Variants in HCK observed in about 807,000 individuals in gnomAD.
HCK encodes HCK proto-oncogene, Src family tyrosine kinase.
HCK carries 40 observed loss-of-function variants against 70.4 expected under a neutral mutation model. That is an observed-to-expected ratio of 0.57 (90% CI 0.44 to 0.74). HCK has a LOEUF of 0.74. Among genes scored for constraint, HCK ranks in the 30% least tolerant of loss-of-function variants. The pLI is 0.00. For synonymous variants in HCK, 245 were observed against 263.2 expected, an observed-to-expected ratio of 0.93 and a Z score of 0.67; for missense variants, 568 against 697.2, an observed-to-expected ratio of 0.81 and a Z score of 2.09.
chr20:32,072,630 C>T (rs1369301511), intron 2 of HCK: 2 of 151,374 alleles, frequency 1.3e-5, no homozygotes, highest in Non-Finnish European at 2.9e-5. Flanking sequence ...TCACTTCCCC[C>T]TTGCATGGAC....
intron 8 of HCK, among the ~76,000 whole-genome samples, chr20:32,085,669 T>C (rs1315384964): frequency 4.6e-5 from 7 of 152,150 alleles, no homozygotes; most frequent in Non-Finnish European, 7.3e-5. Context: ...TGGAGCTTCC[T>C]GGAAGCCAAG....
chr20:32,074,221 C>T (rs1384865241), intron 4 of HCK, among the ~76,000 whole-genome samples: 4 of 152,142 alleles, frequency 2.6e-5, no homozygotes, highest in Admixed American at 1.3e-4. Context: ...TGCTGAAGCC[C>T]GAGAACGGGA....
intron 2 of HCK, 23 bp downstream of exon 2, chr20:32,071,805 T>C: frequency 6.2e-7 from 1 of 1,610,688 alleles, no homozygotes; most frequent in African/African-American, 1.3e-5. Flanking sequence ...GGTCCCAGTT[T>C]CCCTGGGGGC....
chr20:32,078,332 A>C (rs2045658640), intron 5 of HCK, among the ~76,000 whole-genome samples: 1 of 151,398 alleles, frequency 6.6e-6, no homozygotes, highest in Non-Finnish European at 1.5e-5. Context: ...GGTGTGAGCC[A>C]CCGCGCCCAG....
rs2045824354 is a variant in HCK, at chr20:32,088,708, T to C, written c.1092+64T>C. On this transcript the variant is annotated intron_variant, in intron 10 of 12. Transcript: ENST00000375852. ...ATTCGATTTTTTTACTTGCCAAATATTTACTGACCACATACTATGATGATA... is the reference window on the plus strand; with the variant it reads ...ATTCGATTTTTTTACTTGCCAAATACTTACTGACCACATACTATGATGATA... 2.6e-6 allele frequency: 3 copies of C among 1,172,084 alleles called. No individual in the cohort carries two copies. In the African/African-American group the frequency reaches 4.5e-5, roughly 18 times the overall value. 72.6% of individuals were successfully genotyped at this position (1,172,084 alleles called of 1,614,324 possible). A position where few individuals can be genotyped will look rare whatever the true frequency, so the allele number is the denominator to read the frequency against.
intron 3 of HCK, 119 bp from the exon 4 acceptor site, chr20:32,073,597 C>A: frequency 4.3e-6 from 3 of 705,486 alleles, no homozygotes; most frequent in Non-Finnish European, 7.4e-6. Flanking sequence ...GAGACGCCTA[C>A]TTATACTTGG....
chr20:32,079,920 C>T, intron 6 of HCK, 43 bp downstream of exon 6: 2 of 1,409,132 alleles, frequency 1.4e-6, no homozygotes, highest in Middle Eastern at 1.8e-4. Context: ...GCCGAGGTGC[C>T]CCAGCTGGGG....
At chr20:32,058,322 A>T (rs2045305203) in intron 1 of HCK, among the ~76,000 whole-genome samples, 1 of 152,112 alleles carries the variant, frequency 6.6e-6, no homozygotes, top group Non-Finnish European at 1.5e-5. Context: ...ACCTGAGGTC[A>T]GGAGTTCAAG....
intron 1 of HCK, among the ~76,000 whole-genome samples, chr20:32,054,011 G>A (rs904323225): frequency 1.6e-4 from 24 of 151,760 alleles, no homozygotes; most frequent in Admixed American, 1.3e-3. Flanking sequence ...TTTTTTTAGG[G>A]GAGGGGGTGA....
rs1238286004 is a variant in HCK at position 32,099,100 on chromosome 20, T to C, written c.1343T>C (p.Met448Thr). ...GTCTGGTCCTTTGGTATCCTGCTGATGGAGATCGTCACCTACGGCCGGATC... is the reference window on the plus strand; with the variant it reads ...GTCTGGTCCTTTGGTATCCTGCTGACGGAGATCGTCACCTACGGCCGGATC... The change falls in exon 12 of 13, where the codon ATG becomes ACG. Residue 448 changes from methionine (M) to threonine (T), a missense_variant. Transcript: ENST00000375852. 14 of 1,614,180 alleles carry C rather than the reference T, an allele frequency of 8.7e-6. No homozygotes were observed. Among genetic ancestry groups the C allele is most frequent in the East Asian group, 2.2e-5 (1 of 44,872 alleles).
At chr20:32,074,513 C>T in intron 4 of HCK, 110 bp from the exon 5 acceptor site, 1 of 763,482 alleles carries the variant, frequency 1.3e-6, no homozygotes, top group Non-Finnish European at 2.4e-6. Context: ...GTCCTTCACC[C>T]TACTGGCTTT....
chr20:32,095,507 T>A (rs2045942637), intron 11 of HCK, among the ~76,000 whole-genome samples: 1 of 152,150 alleles, frequency 6.6e-6, no homozygotes, highest in Non-Finnish European at 1.5e-5. Flanking sequence ...TCCGCCCGCC[T>A]TGGCCTCCCA....
chr20:32,077,279 T>C (rs1178283331), intron 5 of HCK, among the ~76,000 whole-genome samples: 1 of 152,130 alleles, frequency 6.6e-6, no homozygotes, highest in African/African-American at 2.4e-5. Context: ...TTTCAAATGT[T>C]TCAAAATGCA....
chr20:32,074,688 A>T lies in HCK; in HGVS notation c.395A>T (p.Tyr132Phe). The stretch of plus-strand genomic sequence containing the variant: ...AAGGAGGGCTACATCCCAAGCAACT[A>T]TGTCGCCCGCGTTGACTCTCTGGAG... Residue 132 changes from tyrosine to phenylalanine, a missense_variant, in exon 5 of 13, where the codon TAT (tyrosine) becomes TTT (phenylalanine). Around this residue, in one of 4 missense-constraint regions of HCK, gnomAD observed 318 missense variants for 336.0 expected, o/e 0.95. Coordinates refer to ENST00000375852, the MANE Select transcript of HCK (RefSeq NM_002110.5). 1 of 1,613,924 alleles carries T rather than the reference A, an allele frequency of 6.2e-7. No individual in the cohort carries two copies. The highest frequency in any genetic ancestry group is 8.5e-7 in the Non-Finnish European group (1 of 1,179,842).
intron 6 of HCK, among the ~76,000 whole-genome samples, chr20:32,083,360 TA>T (rs2045734005): frequency 6.6e-6 from 1 of 152,210 alleles, no homozygotes. Context: ...CTATTCAGCC[TA>T]CCACAGCATG....
At chr20:32,092,523 C>G (rs118156741) in intron 10 of HCK, among the ~76,000 whole-genome samples, 1 of 152,158 alleles carries the variant, frequency 6.6e-6, no homozygotes, top group South Asian at 2.1e-4. Flanking sequence ...GAATCCTCCA[C>G]GCAGTCTGTT....
At chr20:32,099,254 T>C in intron 12 of HCK, 119 bp downstream of exon 12, 4 of 1,087,314 alleles carry the variant, frequency 3.7e-6, no homozygotes, top group Non-Finnish European at 5.3e-6. Context: ...TTCCCTCACC[T>C]TTCCTGTCTT....
chr20:32,081,613 C>T (rs1414549340), intron 6 of HCK, among the ~76,000 whole-genome samples: 3 of 152,152 alleles, frequency 2.0e-5, no homozygotes, highest in East Asian at 3.8e-4. Flanking sequence ...TCTGAATTGG[C>T]GAAGCTTTCA....
chr20:32,098,905 A>T (rs1380521434), intron 11 of HCK, 99 bp from the exon 12 acceptor site: 3 of 1,336,066 alleles, frequency 2.2e-6, no homozygotes, highest in Non-Finnish European at 3.1e-6. Flanking sequence ...GCAGGGGCAG[A>T]TGTTGGCAGC....
Sources: allele counts gnomAD v4.1 joint callset (sites outside exome capture counted in the v4.1 genomes callset), GRCh38; gene constraint gnomAD v4.1.1; regional missense constraint gnomAD v4.1.1; transcripts MANE v1.5; gene names NCBI Gene and HGNC (gene_info 2026-07-23, HGNC 2026-07-21).